RBMS3: variants seen among roughly 807,000 people sequenced by gnomAD.
RBMS3 encodes RNA binding motif single stranded interacting protein 3.
Under a neutral mutation model 66.8 loss-of-function variants are expected in RBMS3, and 27 were observed. The observed-to-expected ratio is 0.40, with a 90% confidence interval of 0.30 to 0.56. The LOEUF (loss-of-function observed/expected upper bound fraction) is 0.56, where lower values mean the gene tolerates loss of function less well. Ranked by LOEUF, RBMS3 falls within the 20% of genes least tolerant of loss-of-function variation. RBMS3 has a pLI of 0.40. For missense variants in RBMS3, 513 were observed against 549.5 expected, an observed-to-expected ratio of 0.93 and a Z score of 0.66; for synonymous variants, 188 against 183.0, an observed-to-expected ratio of 1.03 and a Z score of -0.22.
In RBMS3 at chr3:29,346,732, A is replaced by T. The variant is rs554811256; in HGVS notation, c.75+64976A>T. ...ATATCTTCAGAAAACCTGAACTATC[A>T]TGGACCAATCGGTTTTAGAGATTAT... is the stretch of plus-strand genomic sequence containing the variant. On this transcript the variant is annotated intron_variant, in intron 1 of 14. Coordinates refer to ENST00000383767, the MANE Select transcript of RBMS3 (RefSeq NM_001003793.3). Among the ~76,000 whole-genome samples, 4 of 152,116 alleles carry T rather than the reference A, an allele frequency of 2.6e-5. No homozygotes were observed. The East Asian group carries it at 7.7e-4, about 29-fold the overall frequency.
At chr3:29,687,635 G>A (rs986562986) in intron 4 of RBMS3, among the ~76,000 whole-genome samples, 2 of 152,056 alleles carry the variant, frequency 1.3e-5, no homozygotes, top group Non-Finnish European at 2.9e-5. Flanking sequence ...AAAGGTTTTC[G>A]GGGTATGCTG....
chr3:29,957,620 A>T (rs1006694300), intron 12 of RBMS3, among the ~76,000 whole-genome samples: 1 of 152,172 alleles, frequency 6.6e-6, no homozygotes, highest in South Asian at 2.1e-4. Context: ...ATATTGGTGG[A>T]AATGTACAAT....
chr3:29,579,241 A>C lies in RBMS3; in HGVS notation c.308-7873A>C, dbSNP rs754785576. On this transcript the variant is annotated intron_variant, in intron 3 of 14. Transcript: ENST00000383767. The stretch of plus-strand genomic sequence containing the variant: ...ATCCTCTAAAGATGAATAGGTGGTA[A>C]AAAGAAGGATGCTTCGGTTGTGGGG... Among the ~76,000 whole-genome samples the C allele has an allele frequency of 1.6e-4, 24 of 152,206 alleles. 1 individual carries two copies. Among genetic ancestry groups the C allele is most frequent in the Non-Finnish European group, 1.3e-4 (9 of 68,032 alleles).
intron 6 of RBMS3, among the ~76,000 whole-genome samples, chr3:29,848,894 C>T (rs1461175495): frequency 6.6e-6 from 1 of 151,998 alleles, no homozygotes; most frequent in Non-Finnish European, 1.5e-5. Flanking sequence ...AACAATGCTA[C>T]CATTTTTGGA....
rs115394895 is a variant in RBMS3 at position 29,459,811 on chromosome 3, T to C, written c.248+24896T>C. ...CTTTGGGTAAGTACAGTAGAGAATT[T>C]AGAGCCGCAATTTGCTAACATGAAG... On this transcript the variant is annotated intron_variant, in intron 2 of 14. Coordinates refer to ENST00000383767, the MANE Select transcript of RBMS3 (RefSeq NM_001003793.3). Among the ~76,000 whole-genome samples, 972 of 152,314 alleles carry C rather than the reference T, an allele frequency of 6.4e-3. 10 individuals carry two copies. The highest frequency in any genetic ancestry group is 0.023 in the African/African-American group (936 of 41,580).
chr3:29,798,287 A>AAGGGAAGGGAAGGGG (rs2057268949), intron 6 of RBMS3, among the ~76,000 whole-genome samples: 1 of 109,078 alleles, frequency 9.2e-6, no homozygotes, highest in South Asian at 3.9e-4. Context: ...AAGGGAAGGG[A>AAGGGAAGGGAAGGGG]AGAGAAGGGA....
chr3:29,818,404 A>T lies in RBMS3; in HGVS notation c.638-50454A>T, dbSNP rs2057979254. ...TGTCCATGTGTGTATTTTTTCTATT[A>T]GTTCTCAATAATTTATATAATTTTT... On this transcript the variant is annotated intron_variant, in intron 6 of 14. Coordinates refer to ENST00000383767, the MANE Select transcript of RBMS3 (RefSeq NM_001003793.3). 2.0e-5 allele frequency among the ~76,000 whole-genome samples: 3 copies of T among 150,700 alleles called. No individual in the cohort carries two copies. In the South Asian group the frequency reaches 6.4e-4, roughly 32 times the overall value.
chr3:29,813,662 G>A (rs1029643239), intron 6 of RBMS3, among the ~76,000 whole-genome samples: 5 of 152,020 alleles, frequency 3.3e-5, no homozygotes, highest in African/African-American at 9.7e-5. Flanking sequence ...TCGTTGAGCC[G>A]TGGTTTGTAG....
chr3:29,864,060 A>C (rs2059285112), intron 6 of RBMS3, among the ~76,000 whole-genome samples: 1 of 152,224 alleles, frequency 6.6e-6, no homozygotes, highest in African/African-American at 2.4e-5. Flanking sequence ...TAATGAGGAA[A>C]GATTTTCTGG....
chr3:29,808,572 G>A (rs372292078), intron 6 of RBMS3, among the ~76,000 whole-genome samples: 2 of 151,940 alleles, frequency 1.3e-5, no homozygotes, highest in East Asian at 3.9e-4. Context: ...ACCTGGATCA[G>A]ATCTTCTGAT....
intron 4 of RBMS3, among the ~76,000 whole-genome samples, chr3:29,722,714 T>G (rs2053694407): frequency 6.6e-6 from 1 of 152,088 alleles, no homozygotes; most frequent in Non-Finnish European, 1.5e-5. Flanking sequence ...ATCCCTACCT[T>G]AGATCTATGG....
At chr3:29,657,509 G>A (rs562413330) in intron 4 of RBMS3, among the ~76,000 whole-genome samples, 2 of 152,294 alleles carry the variant, frequency 1.3e-5, no homozygotes, top group African/African-American at 4.8e-5. Context: ...ATGGTGACAA[G>A]CATGCCTGTG....
intron 4 of RBMS3, among the ~76,000 whole-genome samples, chr3:29,645,710 T>C (rs1228125566): frequency 6.6e-6 from 1 of 152,198 alleles, no homozygotes; most frequent in Non-Finnish European, 1.5e-5. Flanking sequence ...CTACTTTGGG[T>C]TTGTGCTAAT....
At chr3:29,923,564 G>C (rs982529070) in intron 10 of RBMS3, among the ~76,000 whole-genome samples, 1 of 151,936 alleles carries the variant, frequency 6.6e-6, no homozygotes, top group Admixed American at 6.6e-5. Flanking sequence ...TCATTTCCTT[G>C]CCTATCCCAT....
chr3:29,776,849 A>C (rs1043801549), intron 6 of RBMS3, among the ~76,000 whole-genome samples: 19 of 152,112 alleles, frequency 1.2e-4, no homozygotes, highest in African/African-American at 4.6e-4. Flanking sequence ...TCATTCTAGA[A>C]TGGTATCCAT....
chr3:29,774,725 T>C (rs1431510761), intron 6 of RBMS3, among the ~76,000 whole-genome samples: 1 of 152,060 alleles, frequency 6.6e-6, no homozygotes, highest in Non-Finnish European at 1.5e-5. Context: ...AGGGGCTACA[T>C]GATTTGAGAT....
chr3:29,747,406 ATAG>A (rs2054963888), intron 5 of RBMS3, among the ~76,000 whole-genome samples: 5 of 120,912 alleles, frequency 4.1e-5, no homozygotes, highest in East Asian at 2.1e-4. Flanking sequence ...AGATAGATAG[ATAG>A]ATAGATAGAT....
intron 1 of RBMS3, among the ~76,000 whole-genome samples, chr3:29,282,296 G>C (rs2125406955): frequency 6.6e-6 from 1 of 152,160 alleles, no homozygotes; most frequent in Admixed American, 6.5e-5. Flanking sequence ...TTTTTAATTT[G>C]CCTTGCCTAT....
intron 6 of RBMS3, among the ~76,000 whole-genome samples, chr3:29,798,281 G>GAAGGGAAGGGAAGGA (rs2057267846): frequency 2.7e-5 from 3 of 111,944 alleles, no homozygotes; most frequent in Non-Finnish European, 5.5e-5. Context: ...GAAGGGAAGG[G>GAAGGGAAGGGAAGGA]AAGGGAAGAG....
Sources: gnomAD v4.1 joint callset for allele counts (sites outside exome capture counted in the v4.1 genomes callset) on GRCh38, gnomAD v4.1.1 for gene constraint, MANE v1.5 for transcripts, NCBI Gene and HGNC (gene_info 2026-07-23, HGNC 2026-07-21) for gene names.